STK39: variants seen among roughly 807,000 people sequenced by gnomAD.
STK39 encodes the protein serine/threonine kinase 39, also known as STE20/SPS1-related proline-alanine-rich protein kinase.
Under a neutral mutation model 77.8 loss-of-function variants are expected in STK39, and 20 were observed. The observed-to-expected ratio is 0.26, with a 90% CI of 0.18 to 0.37. The LOEUF (loss-of-function observed/expected upper bound fraction) is 0.37, where lower values mean the gene tolerates loss of function less well. Ranked by LOEUF, STK39 falls within the 10% of genes least tolerant of loss-of-function variation. STK39 has a pLI of 1.00. For synonymous variants in STK39, 246 were observed against 234.1 expected, an observed-to-expected ratio of 1.05 and a Z score of -0.47; for missense variants, 479 against 656.5, an observed-to-expected ratio of 0.73 and a Z score of 2.95.
At chr2:167,961,142 G>C (rs1323730433) in intron 17 of STK39, among the ~76,000 whole-genome samples, 1 of 152,202 alleles carries the variant, frequency 6.6e-6, no homozygotes, top group Admixed American at 6.5e-5. Flanking sequence ...AGTAGGAGGA[G>C]AAAGTTAAAA....
At chr2:168,113,903 A>C (rs1244351960) in intron 10 of STK39, among the ~76,000 whole-genome samples, 1 of 152,224 alleles carries the variant, frequency 6.6e-6, no homozygotes, top group Non-Finnish European at 1.5e-5. Context: ...TAGAAATAAC[A>C]TATCACAGAA....
chr2:167,971,666 G>A (rs1461903699), intron 16 of STK39, among the ~76,000 whole-genome samples: 1 of 152,198 alleles, frequency 6.6e-6, no homozygotes, highest in Non-Finnish European at 1.5e-5. Flanking sequence ...GCAATGCATG[G>A]AAGTGCATTT....
chr2:168,126,738 T>A (rs1687551803), intron 10 of STK39, among the ~76,000 whole-genome samples: 1 of 152,264 alleles, frequency 6.6e-6, no homozygotes, highest in Middle Eastern at 3.4e-3. Flanking sequence ...ATCGATGCTG[T>A]CCCGGGCAGA....
chr2:168,223,177 A>G (rs1336775342), intron 1 of STK39, among the ~76,000 whole-genome samples: 1 of 152,218 alleles, frequency 6.6e-6, no homozygotes, highest in East Asian at 1.9e-4. Context: ...TCCAATTGCC[A>G]AGTGATGCTA....
intron 10 of STK39, among the ~76,000 whole-genome samples, chr2:168,081,878 C>T (rs1439318416): frequency 6.6e-6 from 1 of 152,176 alleles, no homozygotes; most frequent in Non-Finnish European, 1.5e-5. Context: ...CTACTGACAT[C>T]CATGTAAGAT....
intron 13 of STK39, 132 bp downstream of exon 13, chr2:168,065,187 T>A: frequency 2.3e-6 from 2 of 884,822 alleles, no homozygotes; most frequent in East Asian, 5.0e-5. Context: ...TAGCAACCTA[T>A]TTAAAAAGAC....
intron 16 of STK39, among the ~76,000 whole-genome samples, chr2:167,990,259 G>A (rs541031842): frequency 6.6e-6 from 1 of 152,258 alleles, no homozygotes; most frequent in Non-Finnish European, 1.5e-5. Context: ...GAAGGGCGCT[G>A]TTCACAACCA....
intron 17 of STK39, among the ~76,000 whole-genome samples, chr2:167,958,385 T>C (rs1691844073): frequency 6.6e-6 from 1 of 152,208 alleles, no homozygotes; most frequent in African/African-American, 2.4e-5. Context: ...AACTAAAACA[T>C]TTTAAAAATA....
chr2:168,072,870 T>C lies in STK39; in HGVS notation c.1242+2112A>G, dbSNP rs147530949. ...TCAAATGTCAAGGCTGTCAAAGGAA[T>C]GGGTGTCAAAAAACTAGCCTGAGAA... On this transcript the variant is annotated intron_variant, in intron 12 of 17. Transcript: ENST00000355999. 2.2e-4 allele frequency among the ~76,000 whole-genome samples: 33 copies of C among 152,302 alleles called. No individual in the cohort carries two copies. In the East Asian group the frequency reaches 4.0e-3, roughly 19 times the overall value.
At chr2:168,083,044 C>T (rs1320142258) in intron 10 of STK39, among the ~76,000 whole-genome samples, 3 of 152,138 alleles carry the variant, frequency 2.0e-5, no homozygotes, top group African/African-American at 4.8e-5. Context: ...AATGCTTCTC[C>T]CAACCAAATC....
chr2:168,242,560 A>AATATATATATAT (rs59941306), intron 1 of STK39, among the ~76,000 whole-genome samples: 7 of 44,850 alleles, frequency 1.6e-4, no homozygotes, highest in African/African-American at 6.6e-4. Context: ...AAAAAAAAAA[A>AATATATATATAT]ATATATATAT....
intron 17 of STK39, among the ~76,000 whole-genome samples, chr2:167,962,598 C>T (rs1692017259): frequency 1.3e-5 from 2 of 152,214 alleles, no homozygotes; most frequent in African/African-American, 4.8e-5. Flanking sequence ...AAAACACGGA[C>T]TTGTTTCCAA....
chr2:168,104,446 T>C (rs1023302749), intron 10 of STK39, among the ~76,000 whole-genome samples: 3 of 152,158 alleles, frequency 2.0e-5, no homozygotes, highest in African/African-American at 7.2e-5. Flanking sequence ...ACAGTGTGAA[T>C]ACACCACAAA....
intron 2 of STK39, among the ~76,000 whole-genome samples, chr2:168,173,297 A>C (rs1688874260): frequency 6.6e-6 from 1 of 152,198 alleles, no homozygotes; most frequent in Admixed American, 6.5e-5. Context: ...AATCTTGTTA[A>C]ATAAAAACAC....
rs529521932 is a variant in STK39, at chr2:168,170,340, C to A, written c.322-2933G>T. Among the ~76,000 whole-genome samples the A allele has an allele frequency of 2.6e-5, 4 of 152,288 alleles. No homozygotes were observed. In the East Asian group the frequency reaches 7.7e-4, roughly 29 times the overall value. On this transcript the variant is annotated intron_variant, in intron 2 of 17. Coordinates refer to ENST00000355999, the MANE Select transcript of STK39 (RefSeq NM_013233.3). ...TGTTTGTCCCTATCCCTAAAAATGA[C>A]AAAACTATTGCCTAAAGATGAACAA...
In STK39 at chr2:168,012,765, A is replaced by G. The variant is rs1574390872; in HGVS notation, c.1430-63T>C. 2.9e-6 allele frequency: 4 copies of G among 1,358,128 alleles called. No homozygotes were observed. In the East Asian group the frequency reaches 7.5e-5, roughly 25 times the overall value. 84.1% of individuals were successfully genotyped at this position (1,358,128 alleles called of 1,614,324 possible). On this transcript the variant is annotated intron_variant, in intron 15 of 17. Coordinates refer to ENST00000355999, the MANE Select transcript of STK39 (RefSeq NM_013233.3). ...AACATAAAAATCAACAACCCAGTAC[A>G]ATGTAAAATATATATTTTTCATTTA... is the stretch of plus-strand genomic sequence containing the variant.
intron 14 of STK39, among the ~76,000 whole-genome samples, chr2:168,024,660 C>T (rs1199388214): frequency 2.0e-5 from 3 of 152,190 alleles, no homozygotes; most frequent in East Asian, 1.9e-4. Flanking sequence ...CTGGTCATTA[C>T]GAATTACCCA....
chr2:167,996,398 G>T (rs1683838861), intron 16 of STK39, among the ~76,000 whole-genome samples: 1 of 152,166 alleles, frequency 6.6e-6, no homozygotes, highest in African/African-American at 2.4e-5. Context: ...TTTATTAAAT[G>T]ACACCATTAT....
chr2:168,067,293 A>C (rs1055231016), intron 12 of STK39, among the ~76,000 whole-genome samples: 2 of 152,192 alleles, frequency 1.3e-5, no homozygotes, highest in Admixed American at 6.5e-5. Context: ...GATCATGGGG[A>C]TGGATCCCTC....
Sources: allele counts gnomAD v4.1 joint callset (sites outside exome capture counted in the v4.1 genomes callset), GRCh38; gene constraint gnomAD v4.1.1; transcripts MANE v1.5; gene names NCBI Gene and HGNC (gene_info 2026-07-23, HGNC 2026-07-21).